Variants in RANBP17 observed in about 807,000 individuals in gnomAD.
RANBP17 encodes RAN binding protein 17.
RANBP17 carries 158 observed loss-of-function variants against 141.2 expected under a neutral mutation model. That is an observed-to-expected ratio of 1.12 (90% confidence interval 0.98 to 1.28). The LOEUF (loss-of-function observed/expected upper bound fraction) is 1.28. Among genes scored for constraint, RANBP17 ranks in the 50% most tolerant of loss-of-function variants. RANBP17 has a pLI of 0.00. For synonymous variants in RANBP17, 430 were observed against 450.0 expected, an observed-to-expected ratio of 0.96 and a Z score of 0.56; for missense variants, 1,438 against 1,290.7, an observed-to-expected ratio of 1.11 and a Z score of -1.75.
At chr5:170,888,944 A>G (rs1452714860) in intron 3 of RANBP17, among the ~76,000 whole-genome samples, 3 of 151,988 alleles carry the variant, frequency 2.0e-5, no homozygotes, top group Non-Finnish European at 4.4e-5. Context: ...AATTTTGTCA[A>G]ATACTTTTTC....
At chr5:171,198,004 A>G (rs1196492690) in intron 18 of RANBP17, among the ~76,000 whole-genome samples, 5 of 152,198 alleles carry the variant, frequency 3.3e-5, no homozygotes, top group Non-Finnish European at 7.3e-5. Flanking sequence ...GTGCCACTGC[A>G]CTCCAGCCTG....
chr5:170,895,069 A>G (rs543369449), intron 4 of RANBP17, among the ~76,000 whole-genome samples: 1 of 152,300 alleles, frequency 6.6e-6, no homozygotes, highest in East Asian at 1.9e-4. Context: ...TACACATAGG[A>G]TGGATGTTTC....
At chr5:171,088,598 A>T (rs1425703007) in intron 14 of RANBP17, among the ~76,000 whole-genome samples, 1 of 152,196 alleles carries the variant, frequency 6.6e-6, no homozygotes. Context: ...TTTCAGGTAC[A>T]CCAATCAGAC....
chr5:171,011,746 A>G (rs1780051253), intron 14 of RANBP17, among the ~76,000 whole-genome samples: 1 of 151,992 alleles, frequency 6.6e-6, no homozygotes, highest in African/African-American at 2.4e-5. Flanking sequence ...ACGCAATACT[A>G]TGATTACACT....
At chr5:170,983,399 G>A (rs1581312640) in intron 14 of RANBP17, among the ~76,000 whole-genome samples, 1 of 152,156 alleles carries the variant, frequency 6.6e-6, no homozygotes, top group African/African-American at 2.4e-5. Flanking sequence ...TTAGGTAAAT[G>A]AAAAGGAAGT....
rs1027384336 is a variant in RANBP17 at position 171,289,522 on chromosome 5, G to C, written c.2944-4361G>C. Among the ~76,000 whole-genome samples the C allele has an allele frequency of 4.6e-5, 7 of 152,118 alleles. No homozygotes were observed. In the South Asian group the frequency reaches 1.4e-3, roughly 31 times the overall value. ...GGAGGCTGAGGGGGGAGGATTGCTT[G>C]AGGCCAAGAATTGGAGACCAGCCTG... On this transcript the variant is annotated intron_variant, in intron 25 of 27. Transcript: ENST00000523189.
intron 14 of RANBP17, among the ~76,000 whole-genome samples, chr5:171,091,195 C>T (rs1469435051): frequency 3.9e-5 from 6 of 152,172 alleles, no homozygotes; most frequent in African/African-American, 9.7e-5. Flanking sequence ...TGGAGCTGCC[C>T]GAGACCATGG....
At chr5:171,114,484 T>G (rs114116558) in intron 14 of RANBP17, among the ~76,000 whole-genome samples, 3,008 of 151,912 alleles carry the variant, frequency 0.02, 96 homozygotes, top group African/African-American at 0.068. Context: ...ATGAAATACA[T>G]AGAATGATTT....
chr5:170,868,931 A>G (rs926378864), intron 1 of RANBP17, among the ~76,000 whole-genome samples: 3 of 152,222 alleles, frequency 2.0e-5, no homozygotes, highest in Admixed American at 2.0e-4. Context: ...CCTTTCTACC[A>G]GGGGAAGGGT....
At chr5:171,033,050 C>T (rs974556974) in intron 14 of RANBP17, among the ~76,000 whole-genome samples, 10 of 138,454 alleles carry the variant, frequency 7.2e-5, no homozygotes, top group Non-Finnish European at 1.4e-4. Flanking sequence ...ATTTTTTTCA[C>T]CCCCACCCCC....
intron 4 of RANBP17, among the ~76,000 whole-genome samples, chr5:170,894,375 T>C (rs1002406629): frequency 1.3e-5 from 2 of 151,768 alleles, no homozygotes; most frequent in East Asian, 3.9e-4. Flanking sequence ...TCAACTTAAG[T>C]TGGGATTCAA....
chr5:171,123,169 A>G (rs936497106), intron 14 of RANBP17, among the ~76,000 whole-genome samples: 1 of 152,132 alleles, frequency 6.6e-6, no homozygotes, highest in African/African-American at 2.4e-5. Context: ...GTGCCTTCAG[A>G]GGCCCTGGAG....
chr5:171,157,437 G>T (rs1758984987), intron 14 of RANBP17, among the ~76,000 whole-genome samples: 1 of 152,042 alleles, frequency 6.6e-6, no homozygotes. Context: ...ATTTATATAG[G>T]GATTGCCAAA....
At chr5:170,946,046 A>G (rs1774730208) in intron 12 of RANBP17, among the ~76,000 whole-genome samples, 1 of 152,140 alleles carries the variant, frequency 6.6e-6, no homozygotes, top group Non-Finnish European at 1.5e-5. Context: ...TCTTGAGAGG[A>G]AGTATAATAG....
At chr5:171,062,614 T>C (rs529530149) in intron 14 of RANBP17, among the ~76,000 whole-genome samples, 1 of 152,178 alleles carries the variant, frequency 6.6e-6, no homozygotes, top group African/African-American at 2.4e-5. Flanking sequence ...ATTTCAACTT[T>C]GGTGAATCTG....
chr5:170,985,172 C>T (rs1249914342), intron 14 of RANBP17, among the ~76,000 whole-genome samples: 2 of 151,990 alleles, frequency 1.3e-5, no homozygotes, highest in African/African-American at 2.4e-5. Flanking sequence ...CACACACACA[C>T]ATCTTAGCTT....
chr5:170,935,934 G>A (rs1773834605), intron 12 of RANBP17, among the ~76,000 whole-genome samples: 1 of 152,174 alleles, frequency 6.6e-6, no homozygotes, highest in South Asian at 2.1e-4. Context: ...GAGCTGCCGT[G>A]GGCTCCACCC....
At chr5:170,874,019 A>G (rs1767963740) in intron 1 of RANBP17, among the ~76,000 whole-genome samples, 1 of 152,178 alleles carries the variant, frequency 6.6e-6, no homozygotes, top group Non-Finnish European at 1.5e-5. Flanking sequence ...CTATAGGTAC[A>G]TCTCAGAGAT....
chr5:170,982,481 G>T (rs1413594569), intron 14 of RANBP17, among the ~76,000 whole-genome samples: 3 of 152,136 alleles, frequency 2.0e-5, no homozygotes, highest in Non-Finnish European at 4.4e-5. Flanking sequence ...GTTAAAAGAT[G>T]ATTCAGAGAA....
Sources: gnomAD v4.1 joint callset for allele counts (sites outside exome capture counted in the v4.1 genomes callset) on GRCh38, gnomAD v4.1.1 for gene constraint, MANE v1.5 for transcripts, NCBI Gene and HGNC (gene_info 2026-07-23, HGNC 2026-07-21) for gene names.